The following AHCYL2 variants were observed in gnomAD, a reference collection of about 807,000 sequenced individuals.
The protein encoded by AHCYL2 is adenosylhomocysteinase like 2, also known as S-adenosylhomocysteine hydrolase-like protein 2.
Under a neutral mutation model 81.4 loss-of-function variants are expected in AHCYL2, and 28 were observed. The observed-to-expected ratio is 0.34, with a 90% CI of 0.25 to 0.47. The LOEUF (loss-of-function observed/expected upper bound fraction) is 0.47, where lower values mean the gene tolerates loss of function less well. Among genes scored for constraint, AHCYL2 ranks in the 20% least tolerant of loss-of-function variants. The pLI is 1.00. For synonymous variants in AHCYL2, 272 were observed against 290.2 expected (o/e 0.94, Z 0.64); for missense variants, 551 against 785.1 (o/e 0.70, Z 3.56).
At position 129,363,058 on chromosome 7, in the gene AHCYL2, C is replaced by T. The variant is rs187423166; in HGVS notation, c.364-16580C>T. On this transcript the variant is annotated intron_variant, in intron 1 of 16. Coordinates refer to ENST00000325006, the MANE Select transcript of AHCYL2 (RefSeq NM_015328.4). ...CGAGTCAATACTTGTGGGAATACAA[C>T]TGGCACAGAGGATTTTGAGCTGTTT... Among the ~76,000 whole-genome samples, 11 of 152,274 alleles carry T rather than the reference C, an allele frequency of 7.2e-5. No homozygotes were observed. The East Asian group carries it at 1.4e-3, about 19-fold the overall frequency.
intron 1 of AHCYL2, among the ~76,000 whole-genome samples, chr7:129,227,112 T>C (rs34643315): frequency 0.025 from 3,740 of 152,298 alleles, 77 homozygotes; most frequent in Admixed American, 0.057. Context: ...CACAAATCAG[T>C]TTCCTCTTCT....
Position 129,241,738 on chromosome 7 carries a change from C to T in AHCYL2, c.363+16299C>T, listed in dbSNP as rs370175777. 1.1e-4 allele frequency among the ~76,000 whole-genome samples: 16 copies of T among 152,172 alleles called. 1 individual carries two copies. The East Asian group carries it at 1.2e-3, about 11-fold the overall frequency. ...GTAAAACATTGGATAAAATTGAAGA[C>T]GCAGCTGGCCACAGTGGCTCACGTC... On this transcript the variant is annotated intron_variant, in intron 1 of 16. Transcript: ENST00000325006.
At chr7:129,365,627 A>AATATATATATATATATATATATATATAT (rs1489658266) in intron 1 of AHCYL2, among the ~76,000 whole-genome samples, 1 of 82,944 alleles carries the variant, frequency 1.2e-5, no homozygotes, top group Non-Finnish European at 2.4e-5. Context: ...TGGAGGATAG[A>AATATATATATATATATATATATATATAT]GTATATATAT....
At chr7:129,420,248 C>CGG (rs1194102885) in intron 12 of AHCYL2, among the ~76,000 whole-genome samples, 1 of 152,132 alleles carries the variant, frequency 6.6e-6, no homozygotes, top group African/African-American at 2.4e-5. Flanking sequence ...GGTTTTAGCT[C>CGG]TTAGCTCCCA....
intron 12 of AHCYL2, among the ~76,000 whole-genome samples, chr7:129,416,173 T>C (rs1276864613): frequency 6.6e-6 from 1 of 152,194 alleles, no homozygotes; most frequent in African/African-American, 2.4e-5. Flanking sequence ...CAAATCATGA[T>C]GGTAATCTCT....
chr7:129,400,277 C>G lies in AHCYL2; in HGVS notation c.824-13C>G. 1 of 1,611,644 alleles carries G rather than the reference C, an allele frequency of 6.2e-7. No homozygotes were observed. The highest frequency in any genetic ancestry group is 8.5e-7 in the Non-Finnish European group (1 of 1,178,346). On this transcript the variant is annotated splice_polypyrimidine_tract_variant and intron_variant, in intron 5 of 16. Transcript: ENST00000325006. ...GGTCTTTAATGGTTTCCCTTTGTTC[C>G]TTTTTTTCCCAGGATTTCCTGTTTT... is the stretch of plus-strand genomic sequence containing the variant.
At chr7:129,421,792 A>C (rs940780410) in intron 12 of AHCYL2, among the ~76,000 whole-genome samples, 4 of 152,238 alleles carry the variant, frequency 2.6e-5, no homozygotes, top group Admixed American at 1.3e-4. Flanking sequence ...TAAACCTTGA[A>C]ATACAAAAAT....
intron 1 of AHCYL2, among the ~76,000 whole-genome samples, chr7:129,276,813 A>G (rs76112690): frequency 6.6e-6 from 1 of 152,020 alleles, no homozygotes; most frequent in African/African-American, 2.4e-5. Flanking sequence ...CTAAAAAAAA[A>G]GATTAAAATA....
chr7:129,230,378 G>A lies in AHCYL2; in HGVS notation c.363+4939G>A, dbSNP rs542483165. On this transcript the variant is annotated intron_variant, in intron 1 of 16. Transcript: ENST00000325006. The stretch of plus-strand genomic sequence containing the variant: ...ATTACAGGCATGAGCCACCGCGCCC[G>A]GCTATTTAATTCTTTTAAGAGGCCT... Among the ~76,000 whole-genome samples the A allele has an allele frequency of 2.6e-5, 4 of 151,962 alleles. No homozygotes were observed. The South Asian group carries it at 6.2e-4, about 24-fold the overall frequency.
chr7:129,261,356 T>G (rs538564862), intron 1 of AHCYL2, among the ~76,000 whole-genome samples: 1 of 152,144 alleles, frequency 6.6e-6, no homozygotes, highest in African/African-American at 2.4e-5. Flanking sequence ...AAATAGAGAG[T>G]TCTGTGGCAA....
chr7:129,250,007 C>T (rs1018273599), intron 1 of AHCYL2, among the ~76,000 whole-genome samples: 3 of 152,074 alleles, frequency 2.0e-5, no homozygotes, highest in Admixed American at 1.3e-4. Context: ...GTGAATAATG[C>T]TGTTATTGGG....
chr7:129,429,809 C>G lies in AHCYL2; in HGVS notation c.*2764C>G, dbSNP rs1206602936. 6.6e-6 allele frequency: 1 copy of G among 152,636 alleles called. No individual in the cohort carries two copies. The highest frequency in any genetic ancestry group is 1.5e-5 in the Non-Finnish European group (1 of 68,048). The allele number at this position is 152,636 out of a possible 1,614,324, so 9.5% of individuals were successfully genotyped here. On this transcript the variant is annotated 3_prime_UTR_variant, in exon 17 of 17. Transcript: ENST00000325006. ...GAGCACGGCTCCCCATGGCCACATA[C>G]TCCTGCAAAGCTTTTATGCTGCTTC...
chr7:129,339,743 C>G (rs920458147), intron 1 of AHCYL2, among the ~76,000 whole-genome samples: 2 of 151,770 alleles, frequency 1.3e-5, no homozygotes, highest in Admixed American at 1.3e-4. Context: ...GTTGCCCAAG[C>G]TGGTCTCAAA....
At chr7:129,266,663 A>G (rs1795821981) in intron 1 of AHCYL2, among the ~76,000 whole-genome samples, 1 of 152,248 alleles carries the variant, frequency 6.6e-6, no homozygotes, top group African/African-American at 2.4e-5. Flanking sequence ...ATAATTGAGT[A>G]TCTAATTTAA....
chr7:129,403,860 CAAA>C (rs34806455), intron 7 of AHCYL2, among the ~76,000 whole-genome samples: 3 of 80,196 alleles, frequency 3.7e-5, no homozygotes, highest in Non-Finnish European at 5.3e-5. Flanking sequence ...GACTCCATCT[CAAA>C]AAAAAAAAAA....
At position 129,398,356 on chromosome 7, in the gene AHCYL2, TTTTTTATTTTTA is replaced by T. The variant is rs139053061; in HGVS notation, c.823+1048_823+1059del. On this transcript the variant is annotated intron_variant, in intron 5 of 16. Transcript: ENST00000325006. ...TTTTTTAAATTTAATTTAATTTTTA[TTTTTTATTTTTA>T]TTTTTATTTTTATTTATTTATTTTT... 1.0e-3 allele frequency among the ~76,000 whole-genome samples: 153 copies of T among 149,332 alleles called. No homozygotes were observed. In the Middle Eastern group the frequency reaches 0.017, roughly 17 times the overall value.
At chr7:129,240,428 CCA>C (rs1794813139) in intron 1 of AHCYL2, among the ~76,000 whole-genome samples, 1 of 151,872 alleles carries the variant, frequency 6.6e-6, no homozygotes, top group Admixed American at 6.6e-5. Flanking sequence ...ATAGTGTTCT[CCA>C]CAGTTATTTT....
intron 1 of AHCYL2, among the ~76,000 whole-genome samples, chr7:129,283,641 G>A (rs1210495815): frequency 6.6e-6 from 1 of 151,894 alleles, no homozygotes; most frequent in Non-Finnish European, 1.5e-5. Context: ...TATATTTTAA[G>A]TGTTTTTTGG....
At chr7:129,262,831 C>T (rs1016012428) in intron 1 of AHCYL2, among the ~76,000 whole-genome samples, 1 of 152,110 alleles carries the variant, frequency 6.6e-6, no homozygotes, top group African/African-American at 2.4e-5. Flanking sequence ...GGAGGAACAA[C>T]ATTCCTTTTT....
Sources: gnomAD v4.1 joint callset for allele counts (sites outside exome capture counted in the v4.1 genomes callset) on GRCh38, gnomAD v4.1.1 for gene constraint, MANE v1.5 for transcripts, NCBI Gene and HGNC (gene_info 2026-07-23, HGNC 2026-07-21) for gene names.